AGBL1: variants seen among roughly 807,000 people sequenced by gnomAD.
AGBL1 encodes the protein cytosolic carboxypeptidase 4.
Under a neutral mutation model 118.9 loss-of-function variants are expected in AGBL1, and 130 were observed. That is an observed-to-expected ratio of 1.09 (90% CI 0.95 to 1.26). AGBL1 has a LOEUF of 1.26. Among genes scored for constraint, AGBL1 ranks in the 50% most tolerant of loss-of-function variants. The pLI is 0.00. For synonymous variants in AGBL1, 555 were observed against 478.9 expected, an observed-to-expected ratio of 1.16 and a Z score of -2.08; for missense variants, 1,584 against 1,298.1, an observed-to-expected ratio of 1.22 and a Z score of -3.38.
chr15:86,598,757 A>T (rs1042467422), intron 21 of AGBL1, among the ~76,000 whole-genome samples: 1 of 152,114 alleles, frequency 6.6e-6, no homozygotes, highest in African/African-American at 2.4e-5. Context: ...TTACATTGAG[A>T]TGACTTACTG....
At chr15:86,626,377 G>A (rs150110685) in intron 21 of AGBL1, among the ~76,000 whole-genome samples, 180 of 152,270 alleles carry the variant, frequency 1.2e-3, no homozygotes, top group Non-Finnish European at 2.0e-3. Context: ...TGGAGCTGGA[G>A]GTCATTATCC....
intron 19 of AGBL1, among the ~76,000 whole-genome samples, chr15:86,528,354 C>T (rs28406215): frequency 0.12 from 17,928 of 152,202 alleles, 3,494 homozygotes; most frequent in African/African-American, 0.4. Flanking sequence ...GACGGACGCA[C>T]CTGGAAAATC....
chr15:86,851,164 T>G (rs2079402341), intron 22 of AGBL1, among the ~76,000 whole-genome samples: 1 of 152,192 alleles, frequency 6.6e-6, no homozygotes, highest in African/African-American at 2.4e-5. Context: ...AGCGTCACCC[T>G]CATCTACTAT....
intron 21 of AGBL1, among the ~76,000 whole-genome samples, chr15:86,600,058 A>G (rs1307439960): frequency 3.3e-5 from 5 of 152,158 alleles, no homozygotes; most frequent in African/African-American, 1.2e-4. Flanking sequence ...TTAATTTTGA[A>G]TTAATTTTTG....
chr15:86,651,620 C>A (rs571429431), intron 21 of AGBL1, among the ~76,000 whole-genome samples: 6 of 152,186 alleles, frequency 3.9e-5, no homozygotes, highest in Non-Finnish European at 8.8e-5. Context: ...CATTGACGTT[C>A]GTCAGTAAAT....
intron 5 of AGBL1, among the ~76,000 whole-genome samples, chr15:86,167,813 G>A: frequency 6.6e-6 from 1 of 152,216 alleles, no homozygotes; most frequent in East Asian, 1.9e-4. Context: ...AGAGATTGTA[G>A]GATGAGGACA....
At chr15:86,271,732 T>C in intron 15 of AGBL1, 26 bp downstream of exon 15, 1 of 1,570,188 alleles carries the variant, frequency 6.4e-7, no homozygotes, top group Non-Finnish European at 8.8e-7. Flanking sequence ...GTTAGCTTCC[T>C]TTTCTCTGTC....
In AGBL1 at chr15:86,269,948, A is replaced by T; in HGVS notation, c.1868A>T (p.Asp623Val). The T allele has an allele frequency of 6.2e-7, 1 of 1,613,956 alleles. No homozygotes were observed. Among genetic ancestry groups the T allele is most frequent in the Non-Finnish European group, 8.5e-7 (1 of 1,179,868 alleles). Residue 623 changes from aspartate (D) to valine (V), a missense_variant, in exon 14 of 23, where the codon GAT (aspartate) becomes GTT (valine). Transcript: ENST00000614907. ...GAGTATGACTTGCTGGTCAACGCAGATGTGAATAGCACCCAGCACCAGCAG... is the reference window on the plus strand; with the variant it reads ...GAGTATGACTTGCTGGTCAACGCAGTTGTGAATAGCACCCAGCACCAGCAG... ...EFEYDLLVNA[D>V]VNSTQHQQWF...
At position 86,793,261 on chromosome 15, in the gene AGBL1, A is replaced by G. The variant is rs74025493; in HGVS notation, c.3159-113826A>G. ...AATGGATTAACTTGACCAAAAGAAT[A>G]TTTAGGGAAGACTGGCATAACTCTA... On this transcript the variant is annotated intron_variant, in intron 22 of 22. Transcript: ENST00000614907. Among the ~76,000 whole-genome samples, 659 of 152,328 alleles carry G rather than the reference A, an allele frequency of 4.3e-3. 7 individuals carry two copies. Among genetic ancestry groups the G allele is most frequent in the African/African-American group, 0.015 (622 of 41,574 alleles).
At chr15:86,898,844 C>G (rs541499124) in intron 22 of AGBL1, among the ~76,000 whole-genome samples, 3 of 152,050 alleles carry the variant, frequency 2.0e-5, no homozygotes, top group Non-Finnish European at 4.4e-5. Flanking sequence ...AATGAGATAC[C>G]ATCTCGCACC....
intron 18 of AGBL1, among the ~76,000 whole-genome samples, chr15:86,479,237 C>T (rs1192743046): frequency 6.6e-6 from 1 of 152,130 alleles, no homozygotes; most frequent in Non-Finnish European, 1.5e-5. Flanking sequence ...CAAATGAGAT[C>T]TAATTAAACT....
intron 5 of AGBL1, among the ~76,000 whole-genome samples, chr15:86,211,255 C>T (rs953932494): frequency 6.6e-6 from 1 of 152,216 alleles, no homozygotes; most frequent in African/African-American, 2.4e-5. Context: ...CAGTTGGCCC[C>T]TACTGGGAGG....
intron 21 of AGBL1, among the ~76,000 whole-genome samples, chr15:86,668,424 C>G (rs1335352215): frequency 6.6e-6 from 1 of 152,096 alleles, no homozygotes; most frequent in African/African-American, 2.4e-5. Context: ...TGTAGTTTCA[C>G]CAATGCAATA....
rs75687437 is a variant in AGBL1 at position 86,940,591 on chromosome 15, A to G, written c.3222-47396A>G. On this transcript the variant is annotated intron_variant, in intron 23 of 24. Coordinates refer to the AGBL1 transcript ENST00000441037. ...TTGTTACAAACTAAGTGCACACACA[A>G]GGGCCCAACAGACCAAACTAAAAGT... Among the ~76,000 whole-genome samples, 152 of 152,342 alleles carry G rather than the reference A, an allele frequency of 1.0e-3. 1 individual carries two copies. In the East Asian group the frequency reaches 0.017, roughly 17 times the overall value.
At chr15:86,331,508 G>A (rs2080268468) in intron 17 of AGBL1, among the ~76,000 whole-genome samples, 1 of 152,112 alleles carries the variant, frequency 6.6e-6, no homozygotes, top group Non-Finnish European at 1.5e-5. Flanking sequence ...TCACCAGACT[G>A]TCCAAGGTCA....
chr15:86,304,546 C>T lies in AGBL1; in HGVS notation c.2374+9138C>T, dbSNP rs537218840. ...TTTCTATTGTATGTCTTTGAACTAA[C>T]ACAGTCTCTGCATGAAGCAGGTGCA... On this transcript the variant is annotated intron_variant, in intron 17 of 22. Coordinates refer to ENST00000614907, the MANE Select transcript of AGBL1 (RefSeq NM_001386094.1). 2.6e-5 allele frequency among the ~76,000 whole-genome samples: 4 copies of T among 152,294 alleles called. No individual in the cohort carries two copies. The East Asian group carries it at 7.7e-4, about 29-fold the overall frequency.
intron 1 of AGBL1, among the ~76,000 whole-genome samples, chr15:86,104,790 G>C (rs1199902670): frequency 1.3e-5 from 2 of 152,218 alleles, no homozygotes; most frequent in Non-Finnish European, 2.9e-5. Flanking sequence ...CTTAGGACTT[G>C]TGGGGGTGGT....
At chr15:86,745,515 T>G (rs1338494079) in intron 22 of AGBL1, among the ~76,000 whole-genome samples, 1 of 152,044 alleles carries the variant, frequency 6.6e-6, no homozygotes, top group Non-Finnish European at 1.5e-5. Context: ...GCTCAGTCTT[T>G]TTCTGGACCT....
chr15:86,644,704 G>C (rs932835077), intron 21 of AGBL1, among the ~76,000 whole-genome samples: 4 of 151,804 alleles, frequency 2.6e-5, no homozygotes, highest in Non-Finnish European at 5.9e-5. Context: ...TGAAGGGCTT[G>C]TCTACATTAA....
Sources: gnomAD v4.1 joint callset for allele counts (sites outside exome capture counted in the v4.1 genomes callset) on GRCh38, gnomAD v4.1.1 for gene constraint, MANE v1.5 for transcripts, NCBI Gene and HGNC (gene_info 2026-07-23, HGNC 2026-07-21) for gene names.